Variants in PTTG1IP2 observed in about 807,000 individuals in gnomAD.
PTTG1IP2 encodes the protein PTTG1IP family member 2.
At chr7:90,503,765 A>T (rs1798086890) in intron 6 of PTTG1IP2, among the ~76,000 whole-genome samples, 1 of 152,176 alleles carries the variant, frequency 6.6e-6, no homozygotes, top group Admixed American at 6.5e-5. Context: ...AACATCAAAG[A>T]TCATCATCAT....
At chr7:90,470,976 A>G (rs1195179439) in intron 1 of PTTG1IP2, among the ~76,000 whole-genome samples, 4 of 151,934 alleles carry the variant, frequency 2.6e-5, no homozygotes, top group East Asian at 1.9e-4. Context: ...AAAAAAAAAA[A>G]AAAAGAAAAA....
chr7:90,512,449 T>A (rs1798201202), intron 6 of PTTG1IP2, among the ~76,000 whole-genome samples: 1 of 151,886 alleles, frequency 6.6e-6, no homozygotes, highest in African/African-American at 2.4e-5. Context: ...AGAAGACAAG[T>A]GGGAGAAGGG....
intron 1 of PTTG1IP2, among the ~76,000 whole-genome samples, chr7:90,478,230 A>C (rs187568865): frequency 6.6e-6 from 1 of 152,186 alleles, no homozygotes; most frequent in Non-Finnish European, 1.5e-5. Context: ...TTAGTTTACA[A>C]AAAAGCTGTG....
chr7:90,475,520 C>T (rs1012409796), intron 1 of PTTG1IP2, among the ~76,000 whole-genome samples: 6 of 152,106 alleles, frequency 3.9e-5, no homozygotes, highest in Non-Finnish European at 7.4e-5. Context: ...AATAATTGAG[C>T]CATGGAATTC....
At chr7:90,472,748 G>A (rs1355870656) in intron 1 of PTTG1IP2, among the ~76,000 whole-genome samples, 1 of 152,108 alleles carries the variant, frequency 6.6e-6, no homozygotes, top group Non-Finnish European at 1.5e-5. Context: ...ACCCAATCTC[G>A]GTACTAAGTT....
chr7:90,476,796 TAAG>T (rs761436280), intron 1 of PTTG1IP2, among the ~76,000 whole-genome samples: 9 of 152,248 alleles, frequency 5.9e-5, no homozygotes, highest in African/African-American at 9.6e-5. Flanking sequence ...AAATAAAATA[TAAG>T]AAGAATTTTA....
At chr7:90,488,127 G>A (rs1291573547) in intron 3 of PTTG1IP2, among the ~76,000 whole-genome samples, 1 of 152,060 alleles carries the variant, frequency 6.6e-6, no homozygotes, top group African/African-American at 2.4e-5. Context: ...GAAACAAAAT[G>A]CTTTCTAGGT....
chr7:90,506,902 T>C (rs1388395610), intron 6 of PTTG1IP2, among the ~76,000 whole-genome samples: 1 of 151,914 alleles, frequency 6.6e-6, no homozygotes, highest in African/African-American at 2.4e-5. Flanking sequence ...CAGTAACTAC[T>C]TATTTCTCTG....
intron 6 of PTTG1IP2, among the ~76,000 whole-genome samples, chr7:90,495,175 T>G (rs561927657): frequency 6.6e-6 from 1 of 152,354 alleles, no homozygotes; most frequent in Admixed American, 6.5e-5. Context: ...AATTTGTTAA[T>G]ATTACCTAAA....
intron 6 of PTTG1IP2, among the ~76,000 whole-genome samples, chr7:90,507,912 T>A (rs562963247): frequency 6.6e-6 from 1 of 152,226 alleles, no homozygotes; most frequent in South Asian, 2.1e-4. Flanking sequence ...CATAAGGCAC[T>A]TGAGATCTTT....
chr7:90,493,855 A>G (rs1427520653), intron 5 of PTTG1IP2, among the ~76,000 whole-genome samples: 1 of 152,268 alleles, frequency 6.6e-6, no homozygotes, highest in Non-Finnish European at 1.5e-5. Context: ...GATGATTGGT[A>G]AGATGTTTGC....
chr7:90,498,273 T>G (rs1288755248), intron 6 of PTTG1IP2, among the ~76,000 whole-genome samples: 3 of 152,204 alleles, frequency 2.0e-5, no homozygotes, highest in Admixed American at 2.0e-4. Context: ...GAGAATCCCT[T>G]TATTACTATA....
chr7:90,487,675 T>G, intron 3 of PTTG1IP2, among the ~76,000 whole-genome samples: 1 of 152,218 alleles, frequency 6.6e-6, no homozygotes. Context: ...TTCCTCCTGA[T>G]GTAGGCTTAT....
chr7:90,501,760 C>T (rs994184024), intron 6 of PTTG1IP2, among the ~76,000 whole-genome samples: 10 of 152,100 alleles, frequency 6.6e-5, no homozygotes, highest in African/African-American at 2.2e-4. Context: ...GAGGGTCTTC[C>T]GTTGGTGTTG....
intron 6 of PTTG1IP2, among the ~76,000 whole-genome samples, chr7:90,511,164 T>C (rs1798185854): frequency 6.6e-6 from 1 of 152,158 alleles, no homozygotes; most frequent in Admixed American, 6.5e-5. Flanking sequence ...TTCTTCTTCT[T>C]GTCCACTGAT....
intron 4 of PTTG1IP2, among the ~76,000 whole-genome samples, chr7:90,489,467 A>G (rs1797914821): frequency 1.3e-5 from 2 of 151,774 alleles, no homozygotes; most frequent in Non-Finnish European, 1.5e-5. Context: ...TGAGTAATCA[A>G]TTTAATTCCT....
chr7:90,509,054 T>C lies in PTTG1IP2; in HGVS notation c.*51-4224T>C, dbSNP rs1019554099. ...ATCTTGAAATCTCCACATAGGGATA[T>C]GAACTTTATTTTAAAGATGACATGG... is the stretch of plus-strand genomic sequence containing the variant. On this transcript the variant is annotated intron_variant, in intron 6 of 6. Transcript: ENST00000509356. 2.0e-5 allele frequency among the ~76,000 whole-genome samples: 3 copies of C among 151,888 alleles called. No individual in the cohort carries two copies. The South Asian group carries it at 6.2e-4, about 31-fold the overall frequency.
At chr7:90,478,423 G>C (rs1797776828) in intron 1 of PTTG1IP2, among the ~76,000 whole-genome samples, 1 of 152,130 alleles carries the variant, frequency 6.6e-6, no homozygotes, top group South Asian at 2.1e-4. Context: ...GATACTTTCG[G>C]CTAGGAGGAA....
intron 2 of PTTG1IP2, among the ~76,000 whole-genome samples, chr7:90,482,505 A>ACCC (rs11307924): frequency 6.8e-6 from 1 of 147,730 alleles, no homozygotes; most frequent in Admixed American, 6.8e-5. Context: ...CACATTTACA[A>ACCC]CCCCCCCCCC....
Sources: gnomAD v4.1 joint callset for allele counts (sites outside exome capture counted in the v4.1 genomes callset) on GRCh38, gnomAD v4.1.1 for gene constraint, MANE v1.5 for transcripts, NCBI Gene and HGNC (gene_info 2026-07-23, HGNC 2026-07-21) for gene names.